Variants in MFSD12 observed in about 807,000 individuals in gnomAD.
MFSD12 encodes the protein major facilitator superfamily domain-containing protein 12.
Under a neutral mutation model 51.2 loss-of-function variants are expected in MFSD12, and 67 were observed. The observed-to-expected ratio is 1.31, with a 90% CI of 1.08 to 1.60. The LOEUF is 1.60. Ranked by LOEUF, MFSD12 falls within the 40% of genes most tolerant of loss-of-function variation. MFSD12 has a pLI of 0.00. For synonymous variants in MFSD12, 441 were observed against 316.7 expected, an observed-to-expected ratio of 1.39 and a Z score of -4.17; for missense variants, 921 against 673.0, an observed-to-expected ratio of 1.37 and a Z score of -4.08.
chr19:3,557,337 G>C lies in MFSD12; in HGVS notation c.67C>G (p.Leu23Val), dbSNP rs780650697. 1.3e-6 allele frequency: 2 copies of C among 1,555,574 alleles called. No homozygotes were observed. Among genetic ancestry groups the C allele is most frequent in the East Asian group, 2.6e-5 (1 of 38,884 alleles). Residue 23 changes from leucine to valine, a missense_variant, in exon 1 of 10, where the codon CTG (leucine) becomes GTG (valine). By Grantham distance (32) the Leu-to-Val change is conservative (BLOSUM62 1). Transcript: ENST00000355415. ...AGGAAGTGGCCCACGGCGTAGCTCA[G>C]CCGCGCCACCAGGGACAGCGGCCGC... ...SPRPLSLVAR[L>V]SYAVGHFLND...
chr19:3,543,374 G>T, downstream of MFSD12: 1 of 1,549,358 alleles, frequency 6.5e-7, no homozygotes, highest in Non-Finnish European at 8.7e-7. Context: ...CGCCTGGGAA[G>T]CCTGGTACAA....
chr19:3,545,684 C>T (rs899092984), intron 8 of MFSD12, among the ~76,000 whole-genome samples: 2 of 152,258 alleles, frequency 1.3e-5, no homozygotes, highest in South Asian at 2.1e-4. Flanking sequence ...TGGCTCTGCC[C>T]CAGGCCCAGA....
At position 3,547,296 on chromosome 19, in the gene MFSD12, G is replaced by A. The variant is rs2031144683; in HGVS notation, c.999C>T (p.Pro333=). The A allele has an allele frequency of 1.2e-6, 2 of 1,613,258 alleles. No individual in the cohort carries two copies. The highest frequency in any genetic ancestry group is 8.5e-7 in the Non-Finnish European group (1 of 1,179,900). The change falls in exon 6 of 10, where the codon CCC becomes CCT. Residue 333 remains proline, a synonymous_variant. Coordinates refer to ENST00000355415, the MANE Select transcript of MFSD12 (RefSeq NM_174983.5). The part of the protein sequence containing the change: ...SGFLSSFLMK[P]INKCIGRNMT... ...CGTTCCTCCCAATGCACTTGTTGAT[G>A]GGCTTCATGAGGAAGGAGGACAAGA...
At position 3,548,199 on chromosome 19, in the gene MFSD12, C is replaced by T. The variant is rs774274212; in HGVS notation, c.578G>A (p.Gly193Asp). The change falls in exon 3 of 10, where the codon GGC becomes GAC. Residue 193 changes from glycine (G) to aspartate (D), a missense_variant. Physicochemically the swap from Gly to Asp is moderately conservative, Grantham distance 94. Coordinates refer to ENST00000355415, the MANE Select transcript of MFSD12 (RefSeq NM_174983.5). ...TTGGGTGGGCTCCACCCGCGACGAG[C>T]CCTGCAGGTGCAGCAGGAGCCAGGC... The part of the protein sequence containing the change: ...GAAWLLLHLQ[G>D]SSRVEPTQDI... 17 of 1,571,076 alleles carry T rather than the reference C, an allele frequency of 1.1e-5. No homozygotes were observed. The highest frequency in any genetic ancestry group is 1.5e-5 in the Non-Finnish European group (17 of 1,159,622).
At chr19:3,540,315 T>G (rs975465546), downstream of MFSD12, among the ~76,000 whole-genome samples, 5 of 151,458 alleles carry the variant, frequency 3.3e-5, no homozygotes, top group African/African-American at 1.2e-4. Flanking sequence ...TGGAACGCAA[T>G]GGTGCAATCT....
chr19:3,549,319 T>G (rs1271199485), intron 2 of MFSD12, among the ~76,000 whole-genome samples: 1 of 152,198 alleles, frequency 6.6e-6, no homozygotes, highest in African/African-American at 2.4e-5. Flanking sequence ...AAGTCCACCA[T>G]GGATGTTACT....
chr19:3,557,428 AC>A lies in MFSD12; in HGVS notation c.-26del. 1.7e-6 allele frequency: 2 copies of A among 1,171,950 alleles called. No individual in the cohort carries two copies. The highest frequency in any genetic ancestry group is 2.1e-6 in the Non-Finnish European group (2 of 942,534). The allele number at this position is 1,171,950 out of a possible 1,614,324, so 72.6% of individuals were successfully genotyped here. A position where few individuals can be genotyped will look rare whatever the true frequency, so the allele number is the denominator to read the frequency against. ...TCGCGGCGCCGGGCCCGCGCCCCCCACCCCCGGGCTCCGCGGAGGGTACCCT... is the reference window on the plus strand; with the variant it reads ...TCGCGGCGCCGGGCCCGCGCCCCCCACCCCGGGCTCCGCGGAGGGTACCCT... On this transcript the variant is annotated 5_prime_UTR_variant, in exon 1 of 10. Transcript: ENST00000355415.
intron 1 of MFSD12, among the ~76,000 whole-genome samples, chr19:3,552,290 C>T (rs992654165): frequency 6.6e-6 from 1 of 151,670 alleles, no homozygotes; most frequent in Non-Finnish European, 1.5e-5. Flanking sequence ...GCCTCAGCCT[C>T]CCGAGTAGCT....
intron 4 of MFSD12, 28 bp from the exon 5 acceptor site, chr19:3,547,575 C>A: frequency 6.3e-7 from 1 of 1,582,610 alleles, no homozygotes; most frequent in South Asian, 1.1e-5. Context: ...GAGGGACTGG[C>A]AGGGGTCAGG....
chr19:3,547,489 G>A lies in MFSD12; in HGVS notation c.896C>T (p.Ala299Val), dbSNP rs1220433221. 6.2e-7 allele frequency: 1 copy of A among 1,613,164 alleles called. No individual in the cohort carries two copies. Among genetic ancestry groups the A allele is most frequent in the African/African-American group, 1.3e-5 (1 of 75,060 alleles). ...LIVNLSQTYM[A>V]MYLTYSLHLP... Reference sequence around the variant, plus strand: ...GTGGAGCGAGTAGGTGAGGTACATGGCCATGTAGGTCTGGGACAGGTTCAC... The same window carrying A: ...GTGGAGCGAGTAGGTGAGGTACATGACCATGTAGGTCTGGGACAGGTTCAC... The change falls in exon 5 of 10, where the codon GCC (alanine) becomes GTC (valine). Residue 299 changes from alanine (A) to valine (V), a missense_variant. Ala to Val is a moderately conservative substitution (Grantham distance 64, BLOSUM62 0). Coordinates refer to ENST00000355415, the MANE Select transcript of MFSD12 (RefSeq NM_174983.5).
At chr19:3,545,323 T>C (rs1021444760) in intron 8 of MFSD12, among the ~76,000 whole-genome samples, 2 of 152,120 alleles carry the variant, frequency 1.3e-5, no homozygotes, top group East Asian at 3.9e-4. Context: ...CAGCTCTCTG[T>C]GAGTCCCACT....
downstream of MFSD12, chr19:3,543,528 T>A: frequency 7.3e-7 from 1 of 1,365,286 alleles, no homozygotes; most frequent in Non-Finnish European, 9.6e-7. Flanking sequence ...GGGACAGGAA[T>A]GACCGCCAGC....
chr19:3,542,475 CTT>C (rs2030496883), downstream of MFSD12: 3 of 984,650 alleles, frequency 3.0e-6, no homozygotes, highest in South Asian at 4.7e-5. Flanking sequence ...CTTTGAGTCT[CTT>C]GTCTTTTTGT....
chr19:3,544,756 C>T (rs1469892161), intron 9 of MFSD12, 24 bp from the exon 10 acceptor site: 2 of 1,125,694 alleles, frequency 1.8e-6, no homozygotes, highest in South Asian at 1.2e-5. Context: ...GTGGAAATGG[C>T]ATTAGAGAGT....
At chr19:3,543,607 C>T (rs1267656641), downstream of MFSD12, 10 of 1,544,962 alleles carry the variant, frequency 6.5e-6, no homozygotes, top group Middle Eastern at 2.1e-4. Flanking sequence ...TCGTCCCTGC[C>T]CAGTACCAGG....
exon 5 of MFSD12, chr19:3,538,516 T>G (rs896937591): frequency 2.7e-6 from 1 of 368,048 alleles, no homozygotes; most frequent in Non-Finnish European, 5.4e-6. Context: ...CCTGGACATT[T>G]CATAGAAGTG....
At chr19:3,545,607 G>A (rs142356221) in intron 8 of MFSD12, among the ~76,000 whole-genome samples, 3,261 of 152,294 alleles carry the variant, frequency 0.021, 67 homozygotes, top group Non-Finnish European at 0.03. Context: ...TTCTCTGAGC[G>A]TTCACCTTTA....
intron 1 of MFSD12, among the ~76,000 whole-genome samples, chr19:3,554,077 G>A (rs971589477): frequency 1.3e-5 from 2 of 151,472 alleles, no homozygotes; most frequent in South Asian, 2.1e-4. Flanking sequence ...GCAAGACTCC[G>A]TCTCAAAAAT....
Position 3,544,200 on chromosome 19 carries a change from G to C in MFSD12, c.*510C>G. 2 of 1,361,830 alleles carry C rather than the reference G, an allele frequency of 1.5e-6. No homozygotes were observed. Among genetic ancestry groups the C allele is most frequent in the Non-Finnish European group, 1.9e-6 (2 of 1,056,462 alleles). The allele number at this position is 1,361,830 out of a possible 1,614,324, so 84.4% of individuals were successfully genotyped here. A position where few individuals can be genotyped will look rare whatever the true frequency, so the allele number is the denominator to read the frequency against. The stretch of plus-strand genomic sequence containing the variant: ...CCCGCAGGCAGACAGGAGCCAGGCT[G>C]CCGTCATCTCTTTATTTGCTGCCAG... On this transcript the variant is annotated 3_prime_UTR_variant, in exon 10 of 10. Transcript: ENST00000355415.
Sources: allele counts gnomAD v4.1 joint callset (sites outside exome capture counted in the v4.1 genomes callset), GRCh38; gene constraint gnomAD v4.1.1; transcripts MANE v1.5; gene names NCBI Gene and HGNC (gene_info 2026-07-23, HGNC 2026-07-21).